DPF3: variants seen among roughly 807,000 people sequenced by gnomAD.
DPF3 encodes the protein zinc finger protein DPF3.
DPF3 carries 18 observed loss-of-function variants against 56.8 expected under a neutral mutation model. That is an observed-to-expected ratio of 0.32 (90% CI 0.22 to 0.47). The LOEUF (loss-of-function observed/expected upper bound fraction) is 0.47, where lower values mean the gene tolerates loss of function less well. DPF3 is among the 20% of genes least tolerant of loss of function. The pLI is 1.00. For missense variants in DPF3, 403 were observed against 488.8 expected, an observed-to-expected ratio of 0.82 and a Z score of 1.65; for synonymous variants, 188 against 180.2, an observed-to-expected ratio of 1.04 and a Z score of -0.35.
At chr14:72,788,519 T>TTATCTGGGGAA (rs1892305153) in intron 1 of DPF3, among the ~76,000 whole-genome samples, 1 of 152,054 alleles carries the variant, frequency 6.6e-6, no homozygotes, top group African/African-American at 2.4e-5. Flanking sequence ...GGAGGACAGA[T>TTATCTGGGGAA]TATCTGGGGA....
intron 7 of DPF3, among the ~76,000 whole-genome samples, chr14:72,691,641 C>T (rs1429833065): frequency 6.6e-6 from 1 of 151,760 alleles, no homozygotes; most frequent in African/African-American, 2.4e-5. Flanking sequence ...GCAGGAGAAT[C>T]GCTTGAACCT....
intron 1 of DPF3, among the ~76,000 whole-genome samples, chr14:72,875,814 G>A (rs1886089829): frequency 6.6e-6 from 1 of 152,210 alleles, no homozygotes; most frequent in South Asian, 2.1e-4. Flanking sequence ...AGCAGTGGCA[G>A]GGGTGTCTGG....
chr14:72,800,293 A>G (rs1378347609), intron 1 of DPF3, among the ~76,000 whole-genome samples: 1 of 152,160 alleles, frequency 6.6e-6, no homozygotes, highest in Admixed American at 6.5e-5. Context: ...TGTCTTTGTC[A>G]AGCCCATTTC....
intron 1 of DPF3, among the ~76,000 whole-genome samples, chr14:72,893,010 AGGAAGGAAG>A (rs1390110684): frequency 2.0e-4 from 23 of 115,476 alleles, no homozygotes; most frequent in African/African-American, 7.5e-4. Context: ...GAAGGAAGGA[AGGAAGGAAG>A]GAAGGATGAA....
At chr14:72,732,903 T>C (rs1056601291) in intron 3 of DPF3, among the ~76,000 whole-genome samples, 33 of 151,852 alleles carry the variant, frequency 2.2e-4, no homozygotes, top group Admixed American at 6.6e-4. Context: ...CTCCCTTCTT[T>C]CTTTCTCTTT....
At position 72,618,191 on chromosome 14, in the gene DPF3, A is replaced by G. The variant is rs1189407216; in HGVS notation, c.*1106T>C. 1.3e-5 allele frequency among the ~76,000 whole-genome samples: 2 copies of G among 152,184 alleles called. No homozygotes were observed. The highest frequency in any genetic ancestry group is 2.9e-5 in the Non-Finnish European group (2 of 68,028). On this transcript the variant is annotated 3_prime_UTR_variant, in exon 11 of 11. Coordinates refer to ENST00000556509, the MANE Select transcript of DPF3 (RefSeq NM_001280542.3). ...CATGTCACCCTAATTATTTGTTTAG[A>G]TAACAATCTTCTCTCCCCCATCCTA...
chr14:72,621,341 A>G (rs60246190), intron 9 of DPF3, among the ~76,000 whole-genome samples: 1 of 151,574 alleles, frequency 6.6e-6, no homozygotes, highest in South Asian at 2.1e-4. Context: ...ATCTGGCCCC[A>G]CCCCCTAGTT....
chr14:72,680,148 G>A (rs1887097630), intron 7 of DPF3, among the ~76,000 whole-genome samples: 1 of 152,210 alleles, frequency 6.6e-6, no homozygotes, highest in Non-Finnish European at 1.5e-5. Flanking sequence ...CTGGACCAGA[G>A]GGCAAAGGGA....
intron 3 of DPF3, among the ~76,000 whole-genome samples, chr14:72,738,747 TAA>T (rs973290789): frequency 2.0e-5 from 3 of 152,188 alleles, no homozygotes; most frequent in African/African-American, 4.8e-5. Flanking sequence ...TGAAAATTGC[TAA>T]GAGAGTCAAT....
intron 6 of DPF3, among the ~76,000 whole-genome samples, chr14:72,696,435 A>G (rs1391177095): frequency 6.6e-6 from 1 of 152,232 alleles, no homozygotes; most frequent in Non-Finnish European, 1.5e-5. Context: ...CTATGTCTGC[A>G]CTATGTCTCT....
At chr14:72,805,030 C>T (rs1268268615) in intron 1 of DPF3, among the ~76,000 whole-genome samples, 2 of 60,252 alleles carry the variant, frequency 3.3e-5, no homozygotes, top group East Asian at 7.6e-4. Flanking sequence ...CTGTGTAAAA[C>T]GAGGGAGTCC....
In DPF3 at chr14:72,664,464, A is replaced by AT. The variant is rs200289040; in HGVS notation, c.871+9775_871+9776insA. Among the ~76,000 whole-genome samples, 671 of 152,196 alleles carry AT rather than the reference A, an allele frequency of 4.4e-3. 5 individuals carry two copies. Among genetic ancestry groups the AT allele is most frequent in the African/African-American group, 0.015 (642 of 41,510 alleles). ...CCTCTGGTCAGGTCAACTGCAGGCC[A>AT]CAAAAATGAAACAATGTGCAGCTGT... On this transcript the variant is annotated intron_variant, in intron 8 of 10. Transcript: ENST00000556509.
At chr14:72,892,669 A>T in intron 1 of DPF3, 1 of 1,042,932 alleles carries the variant, frequency 9.6e-7, no homozygotes, top group South Asian at 4.2e-5. Context: ...TAAAAGAACC[A>T]GGGTCGACAG....
At chr14:72,759,917 C>T (rs1050976107) in intron 2 of DPF3, among the ~76,000 whole-genome samples, 6 of 152,070 alleles carry the variant, frequency 3.9e-5, no homozygotes, top group Non-Finnish European at 5.9e-5. Context: ...CTATACCCAG[C>T]TAAAATATCT....
In DPF3 at chr14:72,773,903, T is replaced by C. The variant is rs1355415611; in HGVS notation, c.33-2010A>G. The C allele has an allele frequency of 1.8e-5, 8 of 455,690 alleles. No individual in the cohort carries two copies. The Admixed American group carries it at 1.9e-4, about 11-fold the overall frequency. The allele number at this position is 455,690 out of a possible 1,614,324, so 28.2% of individuals were successfully genotyped here. A position where few individuals can be genotyped will look rare whatever the true frequency, so the allele number is the denominator to read the frequency against. On this transcript the variant is annotated intron_variant, in intron 1 of 10. Coordinates refer to ENST00000556509, the MANE Select transcript of DPF3 (RefSeq NM_001280542.3). ...ATACCACATTTTGCTTATCCATTCA[T>C]CTGTCAGTGGATATCTGGGTTGCTT... is the stretch of plus-strand genomic sequence containing the variant.
chr14:72,811,007 G>C (rs1599462802), intron 1 of DPF3, among the ~76,000 whole-genome samples: 1 of 152,208 alleles, frequency 6.6e-6, no homozygotes, highest in African/African-American at 2.4e-5. Flanking sequence ...ATCTGCTTCT[G>C]GTGAGGCTTC....
intron 1 of DPF3, among the ~76,000 whole-genome samples, chr14:72,831,154 G>A (rs898056326): frequency 4.6e-5 from 7 of 152,152 alleles, no homozygotes; most frequent in Admixed American, 2.6e-4. Flanking sequence ...ATAAAAGGGC[G>A]TTGGGGGAAG....
At chr14:72,685,346 A>T (rs962696236) in intron 7 of DPF3, among the ~76,000 whole-genome samples, 31 of 152,152 alleles carry the variant, frequency 2.0e-4, no homozygotes, top group African/African-American at 7.0e-4. Flanking sequence ...GCTGTCTGTT[A>T]CTCAACCTCT....
rs1247582045 is a variant in DPF3, at chr14:72,609,207, C to T, written c.*10090G>A. On this transcript the variant is annotated 3_prime_UTR_variant, in exon 11 of 11. Transcript: ENST00000556509. Reference sequence around the variant, plus strand: ...AACGTGCGAGCATTCCATGGGATATCGAGGGGTCCCAAAGAAGAAGGCTGC... The same window carrying T: ...AACGTGCGAGCATTCCATGGGATATTGAGGGGTCCCAAAGAAGAAGGCTGC... 6.6e-5 allele frequency among the ~76,000 whole-genome samples: 10 copies of T among 152,088 alleles called. No homozygotes were observed. The highest frequency in any genetic ancestry group is 1.0e-4 in the Non-Finnish European group (7 of 68,016).
Sources: gnomAD v4.1 joint callset for allele counts (sites outside exome capture counted in the v4.1 genomes callset) on GRCh38, gnomAD v4.1.1 for gene constraint, MANE v1.5 for transcripts, NCBI Gene and HGNC (gene_info 2026-07-23, HGNC 2026-07-21) for gene names.